BAHCC1: variants seen among roughly 807,000 people sequenced by gnomAD.
The protein encoded by BAHCC1 is BAH and coiled-coil domain-containing protein 1.
In BAHCC1, 43 loss-of-function variants were observed where a neutral mutation model predicts 88.2. The observed-to-expected ratio is 0.49, with a 90% confidence interval of 0.38 to 0.63. The LOEUF is 0.63. Ranked by LOEUF, BAHCC1 falls within the 20% of genes least tolerant of loss-of-function variation. BAHCC1 has a pLI of 0.00. For synonymous variants in BAHCC1, 1,510 were observed against 745.5 expected (o/e 2.03, Z -16.71); for missense variants, 3,023 against 1,654.8 (o/e 1.83, Z -14.34).
chr17:81,448,191 C>T (rs979828602), intron 11 of BAHCC1, among the ~76,000 whole-genome samples: 8 of 152,202 alleles, frequency 5.3e-5, no homozygotes, highest in African/African-American at 1.9e-4. Flanking sequence ...CTGCCGCCTG[C>T]CTCCTGCTCT....
intron 6 of BAHCC1, 94 bp downstream of exon 6, chr17:81,444,011 G>A: frequency 1.5e-6 from 1 of 674,050 alleles, no homozygotes; most frequent in South Asian, 1.6e-5. Context: ...GGTGGTCATG[G>A]CTGGGGCAGC....
chr17:81,407,575 C>A (rs1555647125), intron 2 of BAHCC1, among the ~76,000 whole-genome samples: 1 of 152,200 alleles, frequency 6.6e-6, no homozygotes, highest in African/African-American at 2.4e-5. Flanking sequence ...GATGGGGGTG[C>A]CATGGTGGGT....
At chr17:81,402,007 C>A (rs2063822887) in intron 2 of BAHCC1, 2 of 152,316 alleles carry the variant, frequency 1.3e-5, no homozygotes, top group African/African-American at 4.8e-5. Context: ...CGTGTAGGCC[C>A]CGGAGGGCTG....
At position 81,442,898 on chromosome 17, in the gene BAHCC1, C is replaced by T. The variant is rs2064449633; in HGVS notation, c.1549C>T (p.Pro517Ser). 1 of 779,250 alleles carries T rather than the reference C, an allele frequency of 1.3e-6. No individual in the cohort carries two copies. The highest frequency in any genetic ancestry group is 1.3e-5 in the South Asian group (1 of 74,614). 48.3% of individuals were successfully genotyped at this position (779,250 alleles called of 1,614,324 possible). Residue 517 changes from proline to serine, a missense_variant, in exon 5 of 28, where the codon CCC (proline) becomes TCC (serine). Physicochemically the swap from Pro to Ser is moderately conservative, Grantham distance 74. Coordinates refer to ENST00000675386, the MANE Select transcript of BAHCC1 (RefSeq NM_001377448.1). ...GHQDPLGGKAPQACCTLDKTV... is the reference protein window; with the variant it reads ...GHQDPLGGKASQACCTLDKTV... The stretch of plus-strand genomic sequence containing the variant: ...CCAGGACCCGCTGGGCGGGAAGGCC[C>T]CCCAGGCCTGCTGCACTTTAGATAA...
chr17:81,412,861 C>T (rs996495596), intron 2 of BAHCC1, among the ~76,000 whole-genome samples: 1 of 152,214 alleles, frequency 6.6e-6, no homozygotes, highest in Non-Finnish European at 1.5e-5. Context: ...ATATCCAGAC[C>T]CAGCTGTGGG....
intron 2 of BAHCC1, among the ~76,000 whole-genome samples, chr17:81,400,269 C>T (rs1047498400): frequency 3.9e-5 from 6 of 152,208 alleles, no homozygotes; most frequent in Non-Finnish European, 7.3e-5. Flanking sequence ...CTCCCTAAGA[C>T]GTTCCGGGGC....
Position 81,434,688 on chromosome 17 carries a change from G to A in BAHCC1, c.359-3682G>A, listed in dbSNP as rs1397610781. 1.3e-5 allele frequency among the ~76,000 whole-genome samples: 2 copies of A among 152,068 alleles called. No individual in the cohort carries two copies. Among genetic ancestry groups the A allele is most frequent in the African/African-American group, 2.4e-5 (1 of 41,388 alleles). Reference sequence around the variant, plus strand: ...ATACCCCAAGTTCAGCATCCTGAGAGACCCAGGAGCAGCCCCTGGTTTTCC... The same window carrying A: ...ATACCCCAAGTTCAGCATCCTGAGAAACCCAGGAGCAGCCCCTGGTTTTCC... On this transcript the variant is annotated intron_variant, in intron 3 of 27. Transcript: ENST00000675386. The surrounding 1 kb of genome is among the most constrained non-coding windows in gnomAD (Gnocchi z 4.9).
chr17:81,413,443 C>T (rs968094275), intron 2 of BAHCC1, among the ~76,000 whole-genome samples: 1 of 152,278 alleles, frequency 6.6e-6, no homozygotes, highest in African/African-American at 2.4e-5. Context: ...CCTCCCCCTT[C>T]TGTCTTCCCC....
At chr17:81,432,496 C>T (rs2064271812) in intron 3 of BAHCC1, among the ~76,000 whole-genome samples, 1 of 140,212 alleles carries the variant, frequency 7.1e-6, no homozygotes, top group African/African-American at 2.7e-5. Flanking sequence ...CCATTGCCCC[C>T]TGTGGCTTGA....
chr17:81,428,952 C>T (rs919136346), intron 3 of BAHCC1, among the ~76,000 whole-genome samples: 2 of 152,210 alleles, frequency 1.3e-5, no homozygotes, highest in Non-Finnish European at 2.9e-5. Flanking sequence ...TGAGCCCCTT[C>T]TATCTGCGTC....
rs2063949007 is a variant in BAHCC1, at chr17:81,411,435, G to T, written c.178+11518G>T. On this transcript the variant is annotated intron_variant, in intron 2 of 27. Transcript: ENST00000675386. This position sits in a 1 kb window ranked among gnomAD's most constrained non-coding sequence, Gnocchi z 6.2. ...AAATTGATCAGGGAGGGTGGGGTTG[G>T]GGGGGAACAGGGTCCTTGAGGTCGT... The T allele has an allele frequency of 5.6e-6, 2 of 359,806 alleles. No homozygotes were observed. The highest frequency in any genetic ancestry group is 1.1e-5 in the Non-Finnish European group (2 of 180,684). The allele number at this position is 359,806 out of a possible 1,614,324, so 22.3% of individuals were successfully genotyped here.
intron 10 of BAHCC1, chr17:81,446,726 AT>A: frequency 1.2e-5 from 6 of 514,400 alleles, no homozygotes; most frequent in Non-Finnish European, 2.3e-5. Context: ...TTGTTCTTTA[AT>A]TTTTTTGTAG....
chr17:81,442,070 G>T lies in BAHCC1; in HGVS notation c.721G>T (p.Ala241Ser), dbSNP rs1252098805. The change falls in exon 5 of 28, where the codon GCA (alanine) becomes TCA (serine). Residue 241 changes from alanine (A) to serine (S), a missense_variant. Physicochemically the swap from Ala to Ser is moderately conservative, Grantham distance 99 (BLOSUM62 1). Coordinates refer to ENST00000675386, the MANE Select transcript of BAHCC1 (RefSeq NM_001377448.1). ...CGCTGAGGGCAAGGAGCGGCCAGCG[G>T]CAGAGGAGGACGGTGGCAAGGAGCG... ...KAAEGKERPA[A>S]EEDGGKERHK... The T allele has an allele frequency of 1.4e-6, 1 of 712,448 alleles. No individual in the cohort carries two copies. The highest frequency in any genetic ancestry group is 2.0e-5 in the Admixed American group (1 of 49,262). 44.1% of individuals were successfully genotyped at this position (712,448 alleles called of 1,614,324 possible). A position where few individuals can be genotyped will look rare whatever the true frequency, so the allele number is the denominator to read the frequency against.
chr17:81,408,554 G>C (rs1196816427), intron 2 of BAHCC1, among the ~76,000 whole-genome samples: 1 of 152,096 alleles, frequency 6.6e-6, no homozygotes, highest in Non-Finnish European at 1.5e-5. Context: ...CTGGAGTTCT[G>C]ATCCCGGCGT....
At chr17:81,397,940 G>A (rs539087877) in intron 1 of BAHCC1, among the ~76,000 whole-genome samples, 2 of 152,356 alleles carry the variant, frequency 1.3e-5, no homozygotes, top group Non-Finnish European at 2.9e-5. Flanking sequence ...AATACATTAT[G>A]TTTTCGGTTA....
chr17:81,400,100 T>G (rs1555645806), intron 2 of BAHCC1, among the ~76,000 whole-genome samples, 183 bp downstream of exon 2: 1 of 151,808 alleles, frequency 6.6e-6, no homozygotes, highest in Non-Finnish European at 1.5e-5. Flanking sequence ...TCGCCGCGGC[T>G]TAGAGAGGCC....
At position 81,399,925 on chromosome 17, in the gene BAHCC1, C is replaced by T; in HGVS notation, c.178+8C>T. 7.3e-7 allele frequency: 1 copy of T among 1,372,726 alleles called. No homozygotes were observed. The highest frequency in any genetic ancestry group is 9.4e-7 in the Non-Finnish European group (1 of 1,060,614). The allele number at this position is 1,372,726 out of a possible 1,614,324, so 85.0% of individuals were successfully genotyped here. On this transcript the variant is annotated splice_region_variant and intron_variant, in intron 2 of 27. Coordinates refer to ENST00000675386, the MANE Select transcript of BAHCC1 (RefSeq NM_001377448.1). The surrounding 1 kb of genome is among the most constrained non-coding windows in gnomAD (Gnocchi z 4.5). ...CCATGGCTTCGCACACAGGTCAGTGCTCGGCCGGGGCGGGCGCGGGACGGG... is the reference window on the plus strand; with the variant it reads ...CCATGGCTTCGCACACAGGTCAGTGTTCGGCCGGGGCGGGCGCGGGACGGG...
intron 2 of BAHCC1, chr17:81,402,839 A>T (rs1329915160): frequency 1.3e-5 from 2 of 152,230 alleles, no homozygotes; most frequent in Non-Finnish European, 2.9e-5. Context: ...GGGTGGGGAC[A>T]TGGGGCTCCC....
At chr17:81,423,368 C>T (rs2064138171) in intron 2 of BAHCC1, among the ~76,000 whole-genome samples, 1 of 152,166 alleles carries the variant, frequency 6.6e-6, no homozygotes, top group South Asian at 2.1e-4. Flanking sequence ...CTTGCCCCAC[C>T]GCCTCTGCTG....
Sources: gnomAD v4.1 joint callset for allele counts (sites outside exome capture counted in the v4.1 genomes callset) on GRCh38, gnomAD v4.1.1 for gene constraint, Gnocchi (gnomAD v3.1) non-coding constraint, MANE v1.5 for transcripts, NCBI Gene and HGNC (gene_info 2026-07-23, HGNC 2026-07-21) for gene names.